RTN1: variants seen among roughly 807,000 people sequenced by gnomAD.
The protein encoded by RTN1 is reticulon-1.
Under a neutral mutation model 65.5 loss-of-function variants are expected in RTN1, and 25 were observed. The ratio of observed to expected loss-of-function variants is 0.38; its 90% CI spans 0.28 to 0.53. The LOEUF (loss-of-function observed/expected upper bound fraction) is 0.53. Among genes scored for constraint, RTN1 ranks in the 20% least tolerant of loss-of-function variants. The pLI is 0.79. For missense variants in RTN1, 983 were observed against 1,025.4 expected, an observed-to-expected ratio of 0.96 and a Z score of 0.57; for synonymous variants, 471 against 447.6, an observed-to-expected ratio of 1.05 and a Z score of -0.66.
chr14:59,759,708 TA>T (rs967470834), intron 1 of RTN1, among the ~76,000 whole-genome samples: 3,048 of 143,474 alleles, frequency 0.021, 154 homozygotes, highest in Admixed American at 0.12. Flanking sequence ...ATTGCTTCAT[TA>T]AAAAAAAAAA....
chr14:59,791,832 T>A (rs2139589028), intron 1 of RTN1, among the ~76,000 whole-genome samples: 1 of 152,244 alleles, frequency 6.6e-6, no homozygotes, highest in African/African-American at 2.4e-5. Flanking sequence ...ACCTAGTCAG[T>A]TTTATAAAGG....
rs536090452 is a variant in RTN1, at chr14:59,789,558, CT to C, written c.242-43078del. 1.5e-4 allele frequency among the ~76,000 whole-genome samples: 23 copies of C among 152,222 alleles called. No individual in the cohort carries two copies. The East Asian group carries it at 3.5e-3, about 23-fold the overall frequency. On this transcript the variant is annotated intron_variant, in intron 1 of 8. Coordinates refer to ENST00000267484, the MANE Select transcript of RTN1 (RefSeq NM_021136.3). ...CTTGAAAGCCTCATTGAAATGGATG[CT>C]TTTCTAGGAACTATATGCTTCAAAA...
intron 3 of RTN1, among the ~76,000 whole-genome samples, chr14:59,624,461 T>C (rs1050656488): frequency 1.2e-4 from 18 of 151,844 alleles, no homozygotes; most frequent in African/African-American, 4.3e-4. Flanking sequence ...CTGTATTTTC[T>C]TTTCTTTTTT....
chr14:59,767,689 A>G (rs1885875252), intron 1 of RTN1, among the ~76,000 whole-genome samples: 1 of 152,226 alleles, frequency 6.6e-6, no homozygotes, highest in Non-Finnish European at 1.5e-5. Flanking sequence ...TAAGGAGGTG[A>G]CATTTAAACT....
intron 4 of RTN1, among the ~76,000 whole-genome samples, chr14:59,606,709 C>T (rs1447085783): frequency 2.0e-5 from 3 of 152,148 alleles, no homozygotes; most frequent in Non-Finnish European, 4.4e-5. Flanking sequence ...AGTAGATTGC[C>T]CTTTTATTTT....
chr14:59,867,467 A>G (rs1887819823), intron 1 of RTN1, among the ~76,000 whole-genome samples: 1 of 152,216 alleles, frequency 6.6e-6, no homozygotes, highest in South Asian at 2.1e-4. Context: ...TGTTATTTTG[A>G]TGAGACTATT....
chr14:59,852,744 G>C (rs1037750027), intron 1 of RTN1, among the ~76,000 whole-genome samples: 1 of 152,172 alleles, frequency 6.6e-6, no homozygotes. Flanking sequence ...TCTGGAAAGA[G>C]TATGGCTTAG....
intron 3 of RTN1, chr14:59,630,452 T>C (rs1184253243): frequency 6.2e-7 from 1 of 1,613,726 alleles, no homozygotes; most frequent in Non-Finnish European, 8.5e-7. Flanking sequence ...ATACCCTGAC[T>C]TTTCCAGTTG....
chr14:59,680,464 T>A (rs1172568233), intron 3 of RTN1, among the ~76,000 whole-genome samples: 2 of 152,212 alleles, frequency 1.3e-5, no homozygotes, highest in African/African-American at 2.4e-5. Flanking sequence ...TTTACTAATT[T>A]GAGCTAATCA....
chr14:59,829,133 T>C lies in RTN1; in HGVS notation c.241+41257A>G. Reference sequence around the variant, plus strand: ...CCATCATTTATACTTAAAAGGCAACTACACAGCAATACACCGTTCATTAAT... The same window carrying C: ...CCATCATTTATACTTAAAAGGCAACCACACAGCAATACACCGTTCATTAAT... On this transcript the variant is annotated intron_variant, in intron 1 of 8. Coordinates refer to ENST00000267484, the MANE Select transcript of RTN1 (RefSeq NM_021136.3). The surrounding 1 kb of genome is among the most constrained non-coding windows in gnomAD (Gnocchi z 4.3). 6.6e-6 allele frequency among the ~76,000 whole-genome samples: 1 copy of C among 152,162 alleles called. No individual in the cohort carries two copies. Among genetic ancestry groups the C allele is most frequent in the East Asian group, 1.9e-4 (1 of 5,194 alleles).
intron 2 of RTN1, among the ~76,000 whole-genome samples, chr14:59,736,045 T>A (rs779390166): frequency 6.6e-6 from 1 of 152,044 alleles, no homozygotes; most frequent in African/African-American, 2.4e-5. Context: ...AAAGCAGTGT[T>A]AAGAGGGAAA....
chr14:59,748,787 G>C (rs976967498), intron 1 of RTN1, among the ~76,000 whole-genome samples: 2 of 151,898 alleles, frequency 1.3e-5, no homozygotes, highest in Non-Finnish European at 2.9e-5. Context: ...ATAAAGGAAA[G>C]TGATATTTTT....
chr14:59,697,387 G>T (rs898953012), intron 3 of RTN1, among the ~76,000 whole-genome samples: 17 of 152,242 alleles, frequency 1.1e-4, no homozygotes, highest in African/African-American at 3.6e-4. Context: ...ACTGAACTAA[G>T]TACAGTCCAT....
At chr14:59,832,081 C>T (rs1377137550) in intron 1 of RTN1, among the ~76,000 whole-genome samples, 1 of 152,142 alleles carries the variant, frequency 6.6e-6, no homozygotes, top group Admixed American at 6.5e-5. Flanking sequence ...CCTCCCCCAA[C>T]TCTGAGTTTG....
chr14:59,659,152 G>A (rs994254910), intron 3 of RTN1, among the ~76,000 whole-genome samples: 1 of 150,472 alleles, frequency 6.6e-6, no homozygotes, highest in Non-Finnish European at 1.5e-5. Flanking sequence ...AAGATCAACT[G>A]AATGAAATAA....
At chr14:59,817,741 T>C (rs914550872) in intron 1 of RTN1, among the ~76,000 whole-genome samples, 1 of 152,142 alleles carries the variant, frequency 6.6e-6, no homozygotes, top group East Asian at 1.9e-4. Flanking sequence ...CCATGCATAA[T>C]GTCGAAGTGC....
chr14:59,808,864 C>T (rs1486316285), intron 1 of RTN1, among the ~76,000 whole-genome samples: 1 of 152,122 alleles, frequency 6.6e-6, no homozygotes, highest in Non-Finnish European at 1.5e-5. Context: ...ACTTGCTTCC[C>T]CTTTGCCTTC....
chr14:59,857,147 T>C (rs983674862), intron 1 of RTN1, among the ~76,000 whole-genome samples: 3 of 152,140 alleles, frequency 2.0e-5, no homozygotes, highest in African/African-American at 7.2e-5. Flanking sequence ...CCTAATACCA[T>C]ATATACCTAA....
At chr14:59,657,781 A>G (rs896087173) in intron 3 of RTN1, among the ~76,000 whole-genome samples, 1 of 152,126 alleles carries the variant, frequency 6.6e-6, no homozygotes, top group Non-Finnish European at 1.5e-5. Flanking sequence ...TACCTACAGC[A>G]CCAGGGCCAT....
Sources: gnomAD v4.1 joint callset for allele counts (sites outside exome capture counted in the v4.1 genomes callset) on GRCh38, gnomAD v4.1.1 for gene constraint, Gnocchi (gnomAD v3.1) non-coding constraint, MANE v1.5 for transcripts, NCBI Gene and HGNC (gene_info 2026-07-23, HGNC 2026-07-21) for gene names.